LRP1B: variants seen among roughly 807,000 people sequenced by gnomAD.
LRP1B encodes LDL receptor related protein 1B, also known as low-density lipoprotein receptor-related protein 1B.
Under a neutral mutation model 556.6 loss-of-function variants are expected in LRP1B, and 217 were observed. The ratio of observed to expected loss-of-function variants is 0.39; its 90% CI spans 0.35 to 0.44. The LOEUF is 0.44. Among genes scored for constraint, LRP1B ranks in the 20% least tolerant of loss-of-function variants. LRP1B has a pLI of 1.00. For missense variants in LRP1B, 5,053 were observed against 5,620.8 expected (o/e 0.90, Z 3.23); for synonymous variants, 2,047 against 1,865.8 (o/e 1.10, Z -2.50).
chr2:141,959,799 AT>A (rs1486557522), intron 1 of LRP1B, among the ~76,000 whole-genome samples: 2 of 151,946 alleles, frequency 1.3e-5, no homozygotes, highest in Non-Finnish European at 2.9e-5. Flanking sequence ...ATTAGGCAAT[AT>A]TTCAAATGTT....
intron 2 of LRP1B, among the ~76,000 whole-genome samples, chr2:141,498,621 A>C (rs1054381694): frequency 6.6e-6 from 1 of 152,048 alleles, no homozygotes; most frequent in African/African-American, 2.4e-5. Flanking sequence ...CCCTTAAAAA[A>C]GTATCTAAAT....
chr2:141,392,474 A>AAG (rs1323799302), intron 3 of LRP1B, among the ~76,000 whole-genome samples: 1 of 146,442 alleles, frequency 6.8e-6, no homozygotes, highest in Admixed American at 6.7e-5. Context: ...AAAAAAAAAA[A>AAG]AAAAAAAGAG....
At chr2:142,041,107 C>T (rs1559038423) in intron 1 of LRP1B, among the ~76,000 whole-genome samples, 2 of 150,542 alleles carry the variant, frequency 1.3e-5, no homozygotes, top group Admixed American at 6.7e-5. Flanking sequence ...GAACCAGTGC[C>T]TTTTTTTTTC....
intron 35 of LRP1B, among the ~76,000 whole-genome samples, chr2:140,749,845 A>C (rs150025158): frequency 6.6e-6 from 1 of 152,236 alleles, no homozygotes; most frequent in Non-Finnish European, 1.5e-5. Context: ...TATACTGTAC[A>C]TAATTTTATG....
At chr2:141,059,673 G>T (rs915791792) in intron 8 of LRP1B, among the ~76,000 whole-genome samples, 1 of 151,722 alleles carries the variant, frequency 6.6e-6, no homozygotes, top group Admixed American at 6.6e-5. Flanking sequence ...TTTATCATAG[G>T]AAATAGAACA....
intron 1 of LRP1B, among the ~76,000 whole-genome samples, chr2:142,027,287 C>T (rs1703539826): frequency 6.7e-6 from 1 of 150,374 alleles, no homozygotes; most frequent in African/African-American, 2.4e-5. Context: ...TAAAGAAATT[C>T]TGATTTTTAG....
At chr2:140,306,359 A>G (rs1373649285) in intron 83 of LRP1B, among the ~76,000 whole-genome samples, 2 of 152,020 alleles carry the variant, frequency 1.3e-5, no homozygotes, top group African/African-American at 4.8e-5. Flanking sequence ...CAGGGATTCA[A>G]CTTCTTCCTG....
intron 3 of LRP1B, among the ~76,000 whole-genome samples, chr2:141,376,343 C>T (rs1689435191): frequency 1.3e-5 from 2 of 152,180 alleles, no homozygotes; most frequent in African/African-American, 4.8e-5. Flanking sequence ...GGGAGTTTCT[C>T]TCTTACTGTT....
At chr2:141,985,274 T>A (rs1032294294) in intron 1 of LRP1B, among the ~76,000 whole-genome samples, 29 of 152,266 alleles carry the variant, frequency 1.9e-4, no homozygotes, top group African/African-American at 7.0e-4. Flanking sequence ...AGGTCAGTAG[T>A]TTGAATTTAG....
intron 2 of LRP1B, among the ~76,000 whole-genome samples, chr2:141,581,478 A>C (rs17734594): frequency 0.057 from 8,736 of 152,238 alleles, 333 homozygotes; most frequent in South Asian, 0.12. Context: ...TAAAGTAATG[A>C]CCAGGTAAAA....
At chr2:140,629,388 A>C (rs1180936179) in intron 41 of LRP1B, among the ~76,000 whole-genome samples, 1 of 152,074 alleles carries the variant, frequency 6.6e-6, no homozygotes, top group Non-Finnish European at 1.5e-5. Context: ...ATTTATAGCA[A>C]TTCCAGAACA....
At chr2:140,886,703 T>G (rs1395371483) in intron 23 of LRP1B, among the ~76,000 whole-genome samples, 1 of 152,018 alleles carries the variant, frequency 6.6e-6, no homozygotes. Context: ...TGGCTAAAAC[T>G]AACTTTGCTA....
intron 1 of LRP1B, among the ~76,000 whole-genome samples, chr2:141,941,931 T>C (rs1700819328): frequency 6.6e-6 from 1 of 152,218 alleles, no homozygotes; most frequent in African/African-American, 2.4e-5. Context: ...GCTTAATCAA[T>C]AAATGTAAAT....
rs772472942 is a variant in LRP1B, at chr2:141,517,029, A to AAAAAAAAAC, written c.206-36497_206-36496insGTTTTTTTT. ...TAAAAAAAAAAAAAAAAAAAAAAAA[A>AAAAAAAAAC]AAAGTAAATCAATGAAATAATTTAA... On this transcript the variant is annotated intron_variant, in intron 2 of 90. Transcript: ENST00000389484. Among the ~76,000 whole-genome samples the AAAAAAAAAC allele has an allele frequency of 5.1e-4, 46 of 90,176 alleles. 10 individuals carry two copies. Among genetic ancestry groups the AAAAAAAAAC allele is most frequent in the East Asian group, 8.1e-4 (2 of 2,472 alleles). 59.2% of individuals were successfully genotyped at this position (90,176 alleles called of 152,430 possible).
intron 41 of LRP1B, among the ~76,000 whole-genome samples, chr2:140,620,392 A>G (rs990829895): frequency 2.0e-5 from 3 of 152,176 alleles, no homozygotes; most frequent in African/African-American, 7.2e-5. Context: ...GAATTGTACT[A>G]TATACTTCCT....
At chr2:140,356,295 C>T (rs973717224) in intron 75 of LRP1B, 47 bp downstream of exon 75, 3 of 1,595,998 alleles carry the variant, frequency 1.9e-6, no homozygotes, top group South Asian at 1.1e-5. Context: ...TGGGAATCTT[C>T]ATAACCCAAA....
At chr2:140,521,856 G>T (rs1369835413) in intron 49 of LRP1B, among the ~76,000 whole-genome samples, 1 of 151,878 alleles carries the variant, frequency 6.6e-6, no homozygotes, top group Non-Finnish European at 1.5e-5. Flanking sequence ...AACAAAAAAA[G>T]AGCAGTATTT....
chr2:141,596,927 C>T (rs1049019999), intron 2 of LRP1B, among the ~76,000 whole-genome samples: 5 of 151,782 alleles, frequency 3.3e-5, no homozygotes, highest in Admixed American at 6.6e-5. Flanking sequence ...ATTTTATGAA[C>T]ATTACCAAGG....
chr2:140,608,877 C>A (rs903849627), intron 41 of LRP1B, among the ~76,000 whole-genome samples: 1 of 152,036 alleles, frequency 6.6e-6, no homozygotes, highest in Admixed American at 6.6e-5. Flanking sequence ...TTTCTTTTGC[C>A]GGCTTTAAAA....
Sources: allele counts gnomAD v4.1 joint callset (sites outside exome capture counted in the v4.1 genomes callset), GRCh38; gene constraint gnomAD v4.1.1; transcripts MANE v1.5; gene names NCBI Gene and HGNC (gene_info 2026-07-23, HGNC 2026-07-21).